The following MAGI2 variants were observed in gnomAD, a reference collection of about 807,000 sequenced individuals.
The protein encoded by MAGI2 is membrane associated guanylate kinase, WW and PDZ domain containing 2.
MAGI2 carries 35 observed loss-of-function variants against 133.3 expected under a neutral mutation model. The observed-to-expected ratio is 0.26, with a 90% CI of 0.20 to 0.35. The LOEUF (loss-of-function observed/expected upper bound fraction) is 0.35. Among genes scored for constraint, MAGI2 ranks in the 10% least tolerant of loss-of-function variants. MAGI2 has a pLI of 1.00. For missense variants in MAGI2, 1,636 were observed against 1,863.4 expected (o/e 0.88, Z 2.25); for synonymous variants, 729 against 710.6 (o/e 1.03, Z -0.41).
intron 12 of MAGI2, among the ~76,000 whole-genome samples, chr7:78,188,638 CT>C (rs747937742): frequency 7.9e-5 from 12 of 152,192 alleles, no homozygotes; most frequent in African/African-American, 2.9e-4. Context: ...GTGGGGGGTA[CT>C]TTAATGCCAT....
chr7:78,509,773 G>A (rs1291952597), intron 4 of MAGI2, among the ~76,000 whole-genome samples: 1 of 152,130 alleles, frequency 6.6e-6, no homozygotes, highest in Non-Finnish European at 1.5e-5. Flanking sequence ...TCAAGAAGAA[G>A]AATACACATT....
intron 3 of MAGI2, among the ~76,000 whole-genome samples, chr7:78,544,313 G>A (rs1426703139): frequency 1.3e-5 from 2 of 152,182 alleles, no homozygotes; most frequent in Non-Finnish European, 2.9e-5. Context: ...GCCCTAAGGT[G>A]GATAGTTCTA....
intron 6 of MAGI2, among the ~76,000 whole-genome samples, chr7:78,384,930 G>A (rs1266197528): frequency 6.6e-6 from 1 of 152,138 alleles, no homozygotes; most frequent in African/African-American, 2.4e-5. Flanking sequence ...CTATGATGCT[G>A]CTGTCTGAAG....
chr7:78,403,785 A>G (rs1016398193), intron 6 of MAGI2, among the ~76,000 whole-genome samples: 5 of 152,126 alleles, frequency 3.3e-5, no homozygotes, highest in African/African-American at 1.2e-4. Context: ...TCTGTTGGCT[A>G]CATAAATGTC....
chr7:78,375,233 T>C (rs564205779), intron 6 of MAGI2, among the ~76,000 whole-genome samples: 10 of 152,230 alleles, frequency 6.6e-5, no homozygotes, highest in African/African-American at 2.4e-4. Context: ...GTCTTTCTGC[T>C]CCCTAGAAAA....
chr7:78,699,093 T>C (rs1483224608), intron 2 of MAGI2, among the ~76,000 whole-genome samples: 1 of 152,196 alleles, frequency 6.6e-6, no homozygotes, highest in Non-Finnish European at 1.5e-5. Flanking sequence ...TTCTGATGGC[T>C]CACTGTACAC....
At chr7:78,939,718 G>C (rs1272582287) in intron 2 of MAGI2, 4 of 152,150 alleles carry the variant, frequency 2.6e-5, no homozygotes, top group Non-Finnish European at 5.9e-5. Flanking sequence ...GGATATCTGA[G>C]ACACTGCACT....
chr7:78,558,107 A>T (rs545034180), intron 3 of MAGI2, among the ~76,000 whole-genome samples: 2 of 152,214 alleles, frequency 1.3e-5, no homozygotes, highest in Non-Finnish European at 2.9e-5. Flanking sequence ...TCCTTAATAT[A>T]TATCAATTGA....
intron 5 of MAGI2, among the ~76,000 whole-genome samples, chr7:78,500,591 C>A (rs1794532528): frequency 6.6e-6 from 1 of 152,002 alleles, no homozygotes; most frequent in Non-Finnish European, 1.5e-5. Context: ...AACATGTATA[C>A]AAAAATTATA....
At chr7:78,906,783 G>C (rs917869509) in intron 2 of MAGI2, among the ~76,000 whole-genome samples, 4 of 133,074 alleles carry the variant, frequency 3.0e-5, no homozygotes, top group African/African-American at 1.4e-4. Flanking sequence ...TTCTAAATGG[G>C]AGCTTCATAC....
intron 9 of MAGI2, among the ~76,000 whole-genome samples, chr7:78,321,430 C>A (rs1787993889): frequency 6.6e-6 from 1 of 152,132 alleles, no homozygotes; most frequent in South Asian, 2.1e-4. Flanking sequence ...AGATATAGAC[C>A]AGTGGAACAG....
chr7:78,077,868 T>C (rs992682347), intron 21 of MAGI2, among the ~76,000 whole-genome samples: 1 of 151,704 alleles, frequency 6.6e-6, no homozygotes, highest in African/African-American at 2.4e-5. Flanking sequence ...TACATGGGAT[T>C]ATAGGCATGT....
At chr7:78,507,812 T>C (rs540403258) in intron 4 of MAGI2, among the ~76,000 whole-genome samples, 1 of 152,304 alleles carries the variant, frequency 6.6e-6, no homozygotes, top group African/African-American at 2.4e-5. Context: ...ATACTAACCA[T>C]CAGGCACTAA....
At chr7:78,525,923 G>C (rs768679582) in intron 3 of MAGI2, among the ~76,000 whole-genome samples, 1 of 152,138 alleles carries the variant, frequency 6.6e-6, no homozygotes, top group Admixed American at 6.5e-5. Flanking sequence ...CCACAGTGCT[G>C]TTATATAGAT....
chr7:78,627,356 G>C, intron 2 of MAGI2, 117 bp from the exon 3 acceptor site: 1 of 967,150 alleles, frequency 1.0e-6, no homozygotes. Flanking sequence ...CCTGCAAGTT[G>C]GCAGTTTGCA....
In MAGI2 at chr7:78,160,048, C is replaced by T; in HGVS notation, c.2822G>A (p.Arg941Lys). 1 of 1,589,630 alleles carries T rather than the reference C, an allele frequency of 6.3e-7. No individual in the cohort carries two copies. The highest frequency in any genetic ancestry group is 8.6e-7 in the Non-Finnish European group (1 of 1,164,872). The change falls in exon 16 of 22, where the codon AGG (arginine) becomes AAG (lysine). Residue 941 changes from arginine (R) to lysine (K), a missense_variant. Physicochemically the swap from Arg to Lys is conservative, Grantham distance 26. Transcript: ENST00000354212. ...ACTTATAGTGGATCCAGACTCAGGC[C>T]TGTTCAGGGAGCTGATGATGACAAA... The part of the protein sequence containing the change: ...FGFVIISSLN[R>K]PESGSTITVP...
At chr7:78,885,628 AGTGT>A (rs61111430) in intron 2 of MAGI2, among the ~76,000 whole-genome samples, 45 of 148,962 alleles carry the variant, frequency 3.0e-4, no homozygotes, top group African/African-American at 5.2e-4. Flanking sequence ...TGAAAGGAAT[AGTGT>A]GTGTGTGTGT....
At chr7:79,165,953 G>C (rs1010347483) in intron 1 of MAGI2, among the ~76,000 whole-genome samples, 2 of 152,026 alleles carry the variant, frequency 1.3e-5, no homozygotes, top group Non-Finnish European at 2.9e-5. Flanking sequence ...GACCAAAATG[G>C]AATGCTTGTT....
At chr7:78,494,471 T>C (rs1209654835) in intron 5 of MAGI2, among the ~76,000 whole-genome samples, 1 of 152,178 alleles carries the variant, frequency 6.6e-6, no homozygotes, top group East Asian at 1.9e-4. Context: ...CATATTCTAT[T>C]CTTCTGTTCC....
Sources: gnomAD v4.1 joint callset for allele counts (sites outside exome capture counted in the v4.1 genomes callset) on GRCh38, gnomAD v4.1.1 for gene constraint, MANE v1.5 for transcripts, NCBI Gene and HGNC (gene_info 2026-07-23, HGNC 2026-07-21) for gene names.